CNFN: variants seen among roughly 807,000 people sequenced by gnomAD.
The protein encoded by CNFN is cornifelin.
In CNFN, 10 loss-of-function variants were observed where a neutral mutation model predicts 14.9. The ratio of observed to expected loss-of-function variants is 0.67; its 90% CI spans 0.41 to 1.14. The LOEUF is 1.14. CNFN is among the 50% of genes most tolerant of loss of function. The probability of loss-of-function intolerance (pLI) is 0.00; values close to 1 mark genes in which losing one functional copy is unlikely to be tolerated. For missense variants in CNFN, 165 were observed against 152.8 expected (o/e 1.08, Z -0.42); for synonymous variants, 66 against 60.0 (o/e 1.10, Z -0.46).
Position 42,387,388 on chromosome 19 carries a change from T to C in CNFN, c.201A>G (p.Gly67=), listed in dbSNP as rs1451790224. ...GECCCAPYLP[G]GLHSIRTGMR... ...TGCCGGTGCGGATGGAGTGCAGGCC[T>C]CCGGGCAGGTAGGGCGCGCAGCAGC... The change falls in exon 3 of 4, where the codon GGA becomes GGG. Residue 67 remains glycine, a synonymous_variant. Coordinates refer to ENST00000222032, the MANE Select transcript of CNFN (RefSeq NM_032488.4). The C allele has an allele frequency of 1.9e-6, 3 of 1,601,150 alleles. No individual in the cohort carries two copies. Among genetic ancestry groups the C allele is most frequent in the East Asian group, 2.3e-5 (1 of 44,166 alleles).
intron 1 of CNFN, among the ~76,000 whole-genome samples, chr19:42,389,944 T>A (rs1310516050): frequency 6.6e-6 from 1 of 152,158 alleles, no homozygotes; most frequent in African/African-American, 2.4e-5. Context: ...TGCAAGCCCA[T>A]CTCACAGATG....
Position 42,387,326 on chromosome 19 carries a change from A to G in CNFN, c.249+14T>C, listed in dbSNP as rs1281379402. On this transcript the variant is annotated intron_variant, in intron 3 of 3. Transcript: ENST00000222032. ...CAGCTCCCTGCTCCCGCGGGTCCCC[A>G]GCCCGGCGCGCACCTGGATGTGGTA... The G allele has an allele frequency of 5.6e-6, 9 of 1,597,080 alleles. No homozygotes were observed. The highest frequency in any genetic ancestry group is 6.8e-6 in the Non-Finnish European group (8 of 1,172,572).
At chr19:42,389,328 GC>G (rs1568586456) in intron 1 of CNFN, among the ~76,000 whole-genome samples, 1 of 152,216 alleles carries the variant, frequency 6.6e-6, no homozygotes, top group Non-Finnish European at 1.5e-5. Flanking sequence ...TGGCGGTGCC[GC>G]CTCCTCCTCC....
rs754181742 is a variant in CNFN, at chr19:42,387,135, G to A, written c.*18C>T. ...AGGCGAGACTGGTGGAAAAGGACGG[G>A]GAAGACAGGGAACTTCCTTACTCTC... On this transcript the variant is annotated 3_prime_UTR_variant, in exon 4 of 4. Transcript: ENST00000222032. 2 of 1,613,430 alleles carry A rather than the reference G, an allele frequency of 1.2e-6. No homozygotes were observed. Among genetic ancestry groups the A allele is most frequent in the East Asian group, 4.5e-5 (2 of 44,878 alleles).
At chr19:42,388,824 G>T (rs981291000) in intron 2 of CNFN, 102 bp downstream of exon 2, 2 of 776,738 alleles carry the variant, frequency 2.6e-6, no homozygotes, top group African/African-American at 1.7e-5. Flanking sequence ...TGGGAGTGGG[G>T]TTAGCAAGCG....
intron 2 of CNFN, 109 bp downstream of exon 2, chr19:42,388,817 G>A: frequency 2.8e-6 from 2 of 710,588 alleles, no homozygotes; most frequent in Non-Finnish European, 2.4e-6. Flanking sequence ...AGGGAGGTGG[G>A]AGTGGGGTTA....
chr19:42,389,471 T>C, intron 1 of CNFN: 8 of 1,291,608 alleles, frequency 6.2e-6, no homozygotes, highest in Non-Finnish European at 8.1e-6. Context: ...GGGTTGCTGG[T>C]CCACCCAGCG....
chr19:42,388,787 G>A (rs563406889), intron 2 of CNFN, 139 bp downstream of exon 2: 4 of 624,866 alleles, frequency 6.4e-6, no homozygotes, highest in Admixed American at 2.5e-5. Context: ...CTGTTAGAGT[G>A]GGAATTCCAA....
In CNFN at chr19:42,388,502, T is replaced by C. The variant is rs1355947741; in HGVS notation, c.112+424A>G. 6.6e-5 allele frequency among the ~76,000 whole-genome samples: 10 copies of C among 152,212 alleles called. No homozygotes were observed. In the East Asian group the frequency reaches 1.9e-3, roughly 29 times the overall value. On this transcript the variant is annotated intron_variant, in intron 2 of 3. Transcript: ENST00000222032. ...GCCACTGCGCCCGACCTATTTTTTA[T>C]TTTTATTTTTGTAGAGATGGGGATC... is the stretch of plus-strand genomic sequence containing the variant.
intron 1 of CNFN, chr19:42,389,671 C>T (rs1265828737): frequency 4.4e-6 from 2 of 456,964 alleles, no homozygotes; most frequent in Non-Finnish European, 8.0e-6. Flanking sequence ...GGGAGGGGAG[C>T]TGGGGAGAAA....
intron 2 of CNFN, among the ~76,000 whole-genome samples, chr19:42,387,833 A>G (rs2039866014): frequency 6.6e-6 from 1 of 151,234 alleles, no homozygotes; most frequent in African/African-American, 2.4e-5. Flanking sequence ...TACAAAAATT[A>G]GCCGGGCGTG....
Position 42,387,089 on chromosome 19 carries a change from G to A in CNFN, c.*64C>T. The A allele has an allele frequency of 6.6e-7, 1 of 1,516,212 alleles. No individual in the cohort carries two copies. Among genetic ancestry groups the A allele is most frequent in the South Asian group, 1.1e-5 (1 of 88,820 alleles). 93.9% of individuals were successfully genotyped at this position (1,516,212 alleles called of 1,614,324 possible). On this transcript the variant is annotated 3_prime_UTR_variant, in exon 4 of 4. Coordinates refer to ENST00000222032, the MANE Select transcript of CNFN (RefSeq NM_032488.4). ...AGGGGTGGTGAGGCAGTCCCTCCCAGGAGTGGCCAGAGAAGGCCAGAGGCG... is the reference window on the plus strand; with the variant it reads ...AGGGGTGGTGAGGCAGTCCCTCCCAAGAGTGGCCAGAGAAGGCCAGAGGCG...
Position 42,387,367 on chromosome 19 carries a change from G to C in CNFN, c.222C>G (p.Thr74=). Residue 74 remains threonine (T), a synonymous_variant, in exon 3 of 4, where the codon ACC becomes ACG. Coordinates refer to ENST00000222032, the MANE Select transcript of CNFN (RefSeq NM_032488.4). ...GGATGTGGTAGCGCTCCCGCATGCC[G>C]GTGCGGATGGAGTGCAGGCCTCCGG... is the stretch of plus-strand genomic sequence containing the variant. The part of the protein sequence containing the change: ...YLPGGLHSIR[T]GMRERYHIQG... 1 of 1,598,568 alleles carries C rather than the reference G, an allele frequency of 6.3e-7. No individual in the cohort carries two copies. Among genetic ancestry groups the C allele is most frequent in the Non-Finnish European group, 8.5e-7 (1 of 1,173,886 alleles).
chr19:42,389,328 G>A (rs1458353713), intron 1 of CNFN, among the ~76,000 whole-genome samples: 8 of 152,216 alleles, frequency 5.3e-5, no homozygotes, highest in South Asian at 2.1e-4. Context: ...TGGCGGTGCC[G>A]CCTCCTCCTC....
chr19:42,387,536 C>T, intron 2 of CNFN, 60 bp from the exon 3 acceptor site: 1 of 1,348,910 alleles, frequency 7.4e-7, no homozygotes, highest in Non-Finnish European at 9.9e-7. Flanking sequence ...CGGCTCCGCC[C>T]CGGGGGGGGC....
intron 2 of CNFN, among the ~76,000 whole-genome samples, chr19:42,388,008 A>C (rs2039868965): frequency 6.7e-6 from 1 of 150,316 alleles, no homozygotes; most frequent in African/African-American, 2.4e-5. Context: ...AACAAAAAAA[A>C]AAACGAAAGA....
chr19:42,387,359 C>A lies in CNFN; in HGVS notation c.230G>T (p.Arg77Leu). ...GCGCACCTGGATGTGGTAGCGCTCC[C>A]GCATGCCGGTGCGGATGGAGTGCAG... ...GGLHSIRTGM[R>L]ERYHIQGSVG... Residue 77 changes from arginine (R) to leucine (L), a missense_variant, in exon 3 of 4, where the codon CGG (arginine) becomes CTG (leucine). Arg to Leu is a moderately radical substitution (Grantham distance 102). Transcript: ENST00000222032. The A allele has an allele frequency of 6.3e-7, 1 of 1,597,704 alleles. No individual in the cohort carries two copies. Among genetic ancestry groups the A allele is most frequent in the East Asian group, 2.3e-5 (1 of 43,884 alleles).
chr19:42,387,955 G>A (rs2039866938), intron 2 of CNFN, among the ~76,000 whole-genome samples: 1 of 145,292 alleles, frequency 6.9e-6, no homozygotes, highest in Non-Finnish European at 1.5e-5. Flanking sequence ...ATTCCAGCCT[G>A]GGCGACAGAG....
In CNFN at chr19:42,387,424, G is replaced by C. The variant is rs756385393; in HGVS notation, c.165C>G (p.Asp55Glu). The change falls in exon 3 of 4, where the codon GAC becomes GAG. Residue 55 changes from aspartate (D) to glutamate (E), a missense_variant. Transcript: ENST00000222032. ...PLCLACRISDDFGECCCAPYL... is the reference protein window; with the variant it reads ...PLCLACRISDEFGECCCAPYL... ...AGGGCGCGCAGCAGCACTCGCCAAA[G>C]TCGTCGGAGATGCGGCAGGCAAGGC... is the stretch of plus-strand genomic sequence containing the variant. 6.2e-7 allele frequency: 1 copy of C among 1,601,920 alleles called. No homozygotes were observed. The highest frequency in any genetic ancestry group is 8.5e-7 in the Non-Finnish European group (1 of 1,175,724).
Sources: allele counts gnomAD v4.1 joint callset (sites outside exome capture counted in the v4.1 genomes callset), GRCh38; gene constraint gnomAD v4.1.1; transcripts MANE v1.5; gene names NCBI Gene and HGNC (gene_info 2026-07-23, HGNC 2026-07-21).